Variants in NEK7 observed in about 807,000 individuals in gnomAD.
NEK7 encodes the protein serine/threonine-protein kinase Nek7.
Under a neutral mutation model 44.6 loss-of-function variants are expected in NEK7, and 18 were observed. The ratio of observed to expected loss-of-function variants is 0.40; its 90% CI spans 0.28 to 0.60. The LOEUF is 0.60. Among genes scored for constraint, NEK7 ranks in the 20% least tolerant of loss-of-function variants. The pLI, the probability that NEK7 is intolerant of heterozygous loss-of-function variation, is 0.38. For synonymous variants in NEK7, 130 were observed against 121.1 expected (o/e 1.07, Z -0.48); for missense variants, 256 against 366.5 (o/e 0.70, Z 2.46).
chr1:198,157,728 G>C (rs1663955146), intron 1 of NEK7, among the ~76,000 whole-genome samples: 1 of 152,232 alleles, frequency 6.6e-6, no homozygotes, highest in African/African-American at 2.4e-5. Flanking sequence ...GGAAAGTGAA[G>C]TGCGCTGGGA....
intron 7 of NEK7, among the ~76,000 whole-genome samples, chr1:198,287,231 C>T (rs1207774761): frequency 3.9e-5 from 6 of 152,022 alleles, no homozygotes; most frequent in Admixed American, 1.3e-4. Context: ...CCTGTAATCC[C>T]GGCACTTTGG....
At chr1:198,215,551 T>C (rs1665893448) in intron 1 of NEK7, among the ~76,000 whole-genome samples, 1 of 152,176 alleles carries the variant, frequency 6.6e-6, no homozygotes, top group Non-Finnish European at 1.5e-5. Context: ...CAATTCTTCT[T>C]CTTCTGTTGT....
At chr1:198,219,021 G>C (rs776896725) in intron 1 of NEK7, among the ~76,000 whole-genome samples, 2 of 151,774 alleles carry the variant, frequency 1.3e-5, no homozygotes, top group African/African-American at 4.8e-5. Flanking sequence ...AGAACTCAAA[G>C]TTAATCCACT....
intron 5 of NEK7, among the ~76,000 whole-genome samples, chr1:198,265,803 G>T (rs1421043301): frequency 6.6e-6 from 1 of 151,920 alleles, no homozygotes; most frequent in African/African-American, 2.4e-5. Context: ...TATGTGGTTG[G>T]ATATATGTAC....
intron 9 of NEK7, among the ~76,000 whole-genome samples, chr1:198,314,105 C>A (rs1200545971): frequency 2.0e-5 from 3 of 152,142 alleles, no homozygotes; most frequent in Non-Finnish European, 4.4e-5. Context: ...CACATAGTCC[C>A]ATATTTCTTG....
intron 1 of NEK7, among the ~76,000 whole-genome samples, chr1:198,194,929 C>A (rs1180526071): frequency 6.6e-6 from 1 of 152,154 alleles, no homozygotes; most frequent in Non-Finnish European, 1.5e-5. Context: ...TACACTTCCA[C>A]CGACAGTGTA....
rs532166041 is a variant in NEK7 at position 198,260,486 on chromosome 1, A to C, written c.199-2089A>C. Among the ~76,000 whole-genome samples the C allele has an allele frequency of 4.1e-3, 619 of 151,392 alleles. 6 individuals carry two copies. Among genetic ancestry groups the C allele is most frequent in the Non-Finnish European group, 6.0e-3 (406 of 67,854 alleles). Reference sequence around the variant, plus strand: ...GTGTTGCATTCTGTTCCATTCTGAAATCATGGTAGTTAACATGAGTTTACT... The same window carrying C: ...GTGTTGCATTCTGTTCCATTCTGAACTCATGGTAGTTAACATGAGTTTACT... On this transcript the variant is annotated intron_variant, in intron 3 of 9. Transcript: ENST00000367385.
intron 7 of NEK7, among the ~76,000 whole-genome samples, chr1:198,283,614 A>C (rs1654278332): frequency 6.6e-6 from 1 of 152,078 alleles, no homozygotes; most frequent in Non-Finnish European, 1.5e-5. Context: ...TTTTGACATA[A>C]GTGTAGGACA....
chr1:198,208,376 A>G (rs1665658341), intron 1 of NEK7, among the ~76,000 whole-genome samples: 1 of 152,022 alleles, frequency 6.6e-6, no homozygotes, highest in Non-Finnish European at 1.5e-5. Context: ...TATGAAGTAT[A>G]ATGTGTTTTG....
chr1:198,169,770 T>C (rs1158652343), intron 1 of NEK7, among the ~76,000 whole-genome samples: 1 of 152,232 alleles, frequency 6.6e-6, no homozygotes, highest in East Asian at 1.9e-4. Context: ...AACCTCTTTC[T>C]TCTGCTTCTT....
At chr1:198,178,839 C>T (rs1220110160) in intron 1 of NEK7, among the ~76,000 whole-genome samples, 1 of 151,880 alleles carries the variant, frequency 6.6e-6, no homozygotes, top group African/African-American at 2.4e-5. Context: ...GTTAAAGAGT[C>T]ATCAGTCATG....
intron 9 of NEK7, among the ~76,000 whole-genome samples, chr1:198,316,134 A>G (rs1234036565): frequency 1.3e-5 from 2 of 152,240 alleles, no homozygotes; most frequent in Non-Finnish European, 2.9e-5. Flanking sequence ...AATGATGTAA[A>G]TCCAAAAGGA....
intron 2 of NEK7, among the ~76,000 whole-genome samples, chr1:198,251,461 C>A (rs888847972): frequency 7.0e-6 from 1 of 142,092 alleles, no homozygotes; most frequent in East Asian, 2.7e-4. Context: ...GTACCAGTTC[C>A]TCCTTATACC....
intron 1 of NEK7, among the ~76,000 whole-genome samples, chr1:198,183,639 GC>G (rs1038764651): frequency 3.3e-5 from 5 of 151,996 alleles, no homozygotes; most frequent in African/African-American, 9.7e-5. Flanking sequence ...AATTTCTGCT[GC>G]TTTTTTTTTG....
chr1:198,195,103 A>G (rs1348768396), intron 1 of NEK7, among the ~76,000 whole-genome samples: 2 of 152,190 alleles, frequency 1.3e-5, no homozygotes, highest in Non-Finnish European at 2.9e-5. Context: ...GGGGAAGACA[A>G]AAGGAGTTTT....
At chr1:198,280,366 T>C (rs1250244233) in intron 7 of NEK7, among the ~76,000 whole-genome samples, 2 of 152,116 alleles carry the variant, frequency 1.3e-5, no homozygotes, top group Non-Finnish European at 1.5e-5. Context: ...TAGTTAGAAA[T>C]GCCAGGCTAC....
chr1:198,159,020 G>A (rs1359482675), intron 1 of NEK7, among the ~76,000 whole-genome samples: 1 of 152,186 alleles, frequency 6.6e-6, no homozygotes, highest in Non-Finnish European at 1.5e-5. Flanking sequence ...TGCCTTCTCG[G>A]GGCCGGTGTG....
At chr1:198,213,421 T>C (rs1157578485) in intron 1 of NEK7, among the ~76,000 whole-genome samples, 1 of 152,128 alleles carries the variant, frequency 6.6e-6, no homozygotes, top group Non-Finnish European at 1.5e-5. Flanking sequence ...AGGGGGCTTG[T>C]TCTCCCCTTT....
intron 1 of NEK7, among the ~76,000 whole-genome samples, chr1:198,204,652 G>A (rs1303188112): frequency 1.3e-5 from 2 of 150,372 alleles, no homozygotes; most frequent in Admixed American, 1.3e-4. Flanking sequence ...CCAGGGGGCG[G>A]AGCCTGCAGT....
Sources: allele counts gnomAD v4.1 joint callset (sites outside exome capture counted in the v4.1 genomes callset), GRCh38; gene constraint gnomAD v4.1.1; transcripts MANE v1.5; gene names NCBI Gene and HGNC (gene_info 2026-07-23, HGNC 2026-07-21).